Variants in GALNTL5 observed in about 807,000 individuals in gnomAD.
GALNTL5 encodes polypeptide N-acetylgalactosaminyltransferase like 5, also known as inactive polypeptide N-acetylgalactosaminyltransferase-like protein 5.
In GALNTL5, 44 loss-of-function variants were observed where a neutral mutation model predicts 51.0. The ratio of observed to expected loss-of-function variants is 0.86; its 90% CI spans 0.68 to 1.11. The LOEUF (loss-of-function observed/expected upper bound fraction) is 1.11, where lower values mean the gene tolerates loss of function less well. GALNTL5 is among the 50% of genes least tolerant of loss of function. GALNTL5 has a pLI of 0.00. For synonymous variants in GALNTL5, 192 were observed against 182.8 expected (o/e 1.05, Z -0.41); for missense variants, 528 against 531.8 (o/e 0.99, Z 0.07).
Position 152,003,234 on chromosome 7 carries a change from CT to C in GALNTL5, c.908+274del, listed in dbSNP as rs543513646. Among the ~76,000 whole-genome samples, 18 of 152,278 alleles carry C rather than the reference CT, an allele frequency of 1.2e-4. No individual in the cohort carries two copies. In the South Asian group the frequency reaches 3.5e-3, roughly 30 times the overall value. ...CAATCCTATATGGATTCAATCATGA[CT>C]TTCAGGAGCAATATTTCATTTGACT... On this transcript the variant is annotated intron_variant, in intron 6 of 8. Coordinates refer to ENST00000392800, the MANE Select transcript of GALNTL5 (RefSeq NM_145292.4).
chr7:151,996,296 G>A (rs2081499602), intron 5 of GALNTL5, among the ~76,000 whole-genome samples: 1 of 151,904 alleles, frequency 6.6e-6, no homozygotes, highest in Non-Finnish European at 1.5e-5. Context: ...CCATGCTGGT[G>A]TGCTGCACCC....
At chr7:152,006,918 C>T (rs1418158505) in intron 6 of GALNTL5, among the ~76,000 whole-genome samples, 1 of 152,000 alleles carries the variant, frequency 6.6e-6, no homozygotes, top group East Asian at 1.9e-4. Flanking sequence ...CAGGCGCGGG[C>T]AACTGCATCT....
At chr7:151,973,743 G>C (rs191964752) in intron 3 of GALNTL5, among the ~76,000 whole-genome samples, 1 of 151,954 alleles carries the variant, frequency 6.6e-6, no homozygotes, top group South Asian at 2.1e-4. Flanking sequence ...TTGGGAAGGC[G>C]TGATTGGTTT....
intron 7 of GALNTL5, 112 bp from the exon 8 acceptor site, chr7:152,014,531 AT>A: frequency 9.6e-7 from 1 of 1,040,882 alleles, no homozygotes; most frequent in Non-Finnish European, 1.4e-6. Context: ...GCCTCCCAAA[AT>A]GCTGGGATTA....
rs1389360820 is a variant in GALNTL5 at position 151,967,251 on chromosome 7, G to A, written c.5G>A (p.Arg2Lys). The change falls in exon 2 of 9, where the codon AGA becomes AAA. Residue 2 changes from arginine (R) to lysine (K), a missense_variant. Arg to Lys is a conservative substitution (Grantham distance 26). Transcript: ENST00000392800. Reference sequence around the variant, plus strand: ...TTTGAAAATGCTAGATTTACAATGAGAAATGCCATAATTCAAGGTTTATTC... The same window carrying A: ...TTTGAAAATGCTAGATTTACAATGAAAAATGCCATAATTCAAGGTTTATTC... M[R>K]NAIIQGLFYG... 1 of 1,609,262 alleles carries A rather than the reference G, an allele frequency of 6.2e-7. No individual in the cohort carries two copies. The highest frequency in any genetic ancestry group is 1.1e-5 in the South Asian group (1 of 90,192).
chr7:151,980,769 G>C (rs557490841), intron 3 of GALNTL5, among the ~76,000 whole-genome samples: 1 of 93,214 alleles, frequency 1.1e-5, no homozygotes, highest in South Asian at 4.0e-4. Context: ...TTTTTGAGAT[G>C]GAGTCTCGCT....
chr7:151,991,172 A>G (rs1444052908), intron 5 of GALNTL5, among the ~76,000 whole-genome samples: 2 of 152,038 alleles, frequency 1.3e-5, no homozygotes. Context: ...GGCTCACTGC[A>G]ACCTCAGCCT....
intron 6 of GALNTL5, among the ~76,000 whole-genome samples, chr7:152,004,872 A>G (rs1438570476): frequency 6.6e-6 from 1 of 152,162 alleles, no homozygotes; most frequent in Non-Finnish European, 1.5e-5. Context: ...ACTTTAGTTG[A>G]TCCCATGACT....
intron 3 of GALNTL5, among the ~76,000 whole-genome samples, chr7:151,974,947 T>G (rs2081189334): frequency 6.6e-6 from 1 of 152,208 alleles, no homozygotes; most frequent in Admixed American, 6.5e-5. Context: ...CACTACTATG[T>G]TTAAAAATTA....
intron 5 of GALNTL5, among the ~76,000 whole-genome samples, chr7:151,999,595 C>T (rs1193176101): frequency 1.3e-5 from 2 of 152,136 alleles, no homozygotes; most frequent in Non-Finnish European, 2.9e-5. Context: ...TTGTGTTTTC[C>T]TAATGACATG....
intron 5 of GALNTL5, 119 bp from the exon 6 acceptor site, chr7:152,002,595 C>A: frequency 9.8e-7 from 1 of 1,023,692 alleles, no homozygotes; most frequent in Non-Finnish European, 1.4e-6. Flanking sequence ...AATGAAAGCA[C>A]TGTAAGAGCC....
intron 3 of GALNTL5, among the ~76,000 whole-genome samples, chr7:151,973,898 T>G (rs1025171216): frequency 2.0e-5 from 3 of 151,934 alleles, no homozygotes; most frequent in East Asian, 1.9e-4. Context: ...ATGGGAGTAG[T>G]TTCCCCCATG....
intron 2 of GALNTL5, 52 bp from the exon 3 acceptor site, chr7:151,970,893 A>G: frequency 6.8e-7 from 1 of 1,466,704 alleles, no homozygotes; most frequent in Non-Finnish European, 9.3e-7. Flanking sequence ...CCTTTCCTGC[A>G]TCACTGCTAG....
intron 5 of GALNTL5, among the ~76,000 whole-genome samples, chr7:152,001,812 G>T (rs2081584202): frequency 6.6e-6 from 1 of 152,022 alleles, no homozygotes; most frequent in South Asian, 2.1e-4. Context: ...TTAGTATGGG[G>T]GTTATTGCCA....
chr7:151,970,155 G>GGA (rs112582303), intron 2 of GALNTL5, among the ~76,000 whole-genome samples: 1 of 143,832 alleles, frequency 7.0e-6, no homozygotes, highest in East Asian at 2.2e-4. Flanking sequence ...AGTTGGGGGG[G>GGA]CCCCCACCAA....
intron 3 of GALNTL5, among the ~76,000 whole-genome samples, chr7:151,979,757 AGG>A (rs2151944916): frequency 6.6e-6 from 1 of 152,202 alleles, no homozygotes; most frequent in Non-Finnish European, 1.5e-5. Flanking sequence ...GCACCTGGCC[AGG>A]AAAGTTTTTA....
At chr7:151,993,512 T>A (rs1391925198) in intron 5 of GALNTL5, among the ~76,000 whole-genome samples, 5 of 152,208 alleles carry the variant, frequency 3.3e-5, no homozygotes, top group African/African-American at 2.4e-5. Context: ...TCAGAGATTT[T>A]AAAAATTATT....
rs2081782229 is a variant in GALNTL5 at position 152,014,637 on chromosome 7, T to C, written c.1027-7T>C. The C allele has an allele frequency of 3.8e-6, 6 of 1,591,596 alleles. No individual in the cohort carries two copies. Among genetic ancestry groups the C allele is most frequent in the Non-Finnish European group, 3.4e-6 (4 of 1,172,776 alleles). On this transcript the variant is annotated splice_polypyrimidine_tract_variant and splice_region_variant and intron_variant, in intron 7 of 8. Transcript: ENST00000392800. ...ATTCGTATGTTTTTTGTTCTTCTTATGCCTAGATCTGGATGTGTGGAGGCC... is the reference window on the plus strand; with the variant it reads ...ATTCGTATGTTTTTTGTTCTTCTTACGCCTAGATCTGGATGTGTGGAGGCC...
At chr7:151,994,707 C>G (rs2081472608) in intron 5 of GALNTL5, among the ~76,000 whole-genome samples, 1 of 152,014 alleles carries the variant, frequency 6.6e-6, no homozygotes, top group Admixed American at 6.6e-5. Context: ...TCTTTCAAAC[C>G]ACCCCATATT....
Sources: allele counts gnomAD v4.1 joint callset (sites outside exome capture counted in the v4.1 genomes callset), GRCh38; gene constraint gnomAD v4.1.1; transcripts MANE v1.5; gene names NCBI Gene and HGNC (gene_info 2026-07-23, HGNC 2026-07-21).